Variants in DNAH14 observed in about 807,000 individuals in gnomAD.
DNAH14 encodes the protein dynein axonemal heavy chain 14, also known as axonemal beta dynein heavy chain 14.
A neutral mutation model predicts 520.9 loss-of-function variants in DNAH14; 478 were observed. The ratio of observed to expected loss-of-function variants is 0.92; its 90% CI spans 0.85 to 0.99. DNAH14 has a LOEUF of 0.99. Ranked by LOEUF, DNAH14 falls within the 50% of genes least tolerant of loss-of-function variation. DNAH14 has a pLI of 0.00. For missense variants in DNAH14, 4,831 were observed against 5,234.5 expected (o/e 0.92, Z 2.38); for synonymous variants, 1,581 against 1,757.2 (o/e 0.90, Z 2.51).
chr1:225,097,703 G>C (rs2075110636), intron 22 of DNAH14, among the ~76,000 whole-genome samples: 1 of 152,016 alleles, frequency 6.6e-6, no homozygotes, highest in African/African-American at 2.4e-5. Flanking sequence ...GAACCTGGGA[G>C]GTGGAGGATG....
At chr1:225,013,197 T>C (rs757676234) in intron 10 of DNAH14, among the ~76,000 whole-genome samples, 7 of 152,114 alleles carry the variant, frequency 4.6e-5, no homozygotes, top group Non-Finnish European at 8.8e-5. Flanking sequence ...TTTCTGTTTG[T>C]TAGTTTTGCT....
chr1:225,085,198 A>G (rs1028351160), intron 20 of DNAH14, among the ~76,000 whole-genome samples: 2 of 152,172 alleles, frequency 1.3e-5, no homozygotes, highest in Admixed American at 6.5e-5. Flanking sequence ...GCGTGTCACA[A>G]AGTAATTAAG....
intron 2 of DNAH14, among the ~76,000 whole-genome samples, chr1:224,953,750 A>G (rs2060330965): frequency 6.6e-6 from 1 of 152,108 alleles, no homozygotes; most frequent in African/African-American, 2.4e-5. Flanking sequence ...GGGGCAGGGG[A>G]AGAAATGGAG....
intron 36 of DNAH14, among the ~76,000 whole-genome samples, chr1:225,171,833 G>A (rs551824747): frequency 2.6e-5 from 4 of 152,116 alleles, no homozygotes; most frequent in South Asian, 4.2e-4. Flanking sequence ...TTTTAGACCA[G>A]TATCCCTGAT....
chr1:224,952,692 C>T lies in DNAH14; in HGVS notation c.-11C>T, dbSNP rs1464864922. On this transcript the variant is annotated 5_prime_UTR_variant, in exon 2 of 86. Coordinates refer to ENST00000682510, the MANE Select transcript of DNAH14 (RefSeq NM_001367479.1). ...CAGCCAGTTCCTTTATAGTTTTGTT[C>T]AGAAAAACATATGGAGACGTTTATA... The T allele has an allele frequency of 7.7e-6, 12 of 1,561,924 alleles. No homozygotes were observed. The highest frequency in any genetic ancestry group is 1.0e-5 in the Non-Finnish European group (12 of 1,159,608).
In DNAH14 at chr1:225,217,815, C is replaced by G. The variant is rs576336053; in HGVS notation, c.6439+10595C>G. ...TACCGTCTGTCACGGCTTCCCTTTG[C>G]TAGGAAAGGGAATTCCCTGATCCCT... On this transcript the variant is annotated intron_variant, in intron 41 of 85. Coordinates refer to ENST00000682510, the MANE Select transcript of DNAH14 (RefSeq NM_001367479.1). Among the ~76,000 whole-genome samples the G allele has an allele frequency of 3.3e-5, 5 of 152,238 alleles. No homozygotes were observed. In the South Asian group the frequency reaches 1.0e-3, roughly 32 times the overall value.
intron 73 of DNAH14, among the ~76,000 whole-genome samples, chr1:225,354,838 G>A (rs2095412486): frequency 6.6e-6 from 1 of 151,956 alleles, no homozygotes; most frequent in South Asian, 2.1e-4. Context: ...TGCTAACCTG[G>A]ACAACCAGTA....
Position 225,367,701 on chromosome 1 carries a change from A to C in DNAH14, c.12091-104A>C, listed in dbSNP as rs922912227. ...GCCAGTGAATCTTGAAAATAGTTAC[A>C]TTCTTGCCCAGTTCTTTTACCAGTG... On this transcript the variant is annotated intron_variant, in intron 76 of 85. Coordinates refer to ENST00000682510, the MANE Select transcript of DNAH14 (RefSeq NM_001367479.1). 1.4e-5 allele frequency: 11 copies of C among 768,388 alleles called. No homozygotes were observed. The South Asian group carries it at 1.9e-4, about 14-fold the overall frequency. 47.6% of individuals were successfully genotyped at this position (768,388 alleles called of 1,614,324 possible).
chr1:225,344,539 T>A (rs1175182986), intron 69 of DNAH14, among the ~76,000 whole-genome samples: 1 of 152,198 alleles, frequency 6.6e-6, no homozygotes, highest in Non-Finnish European at 1.5e-5. Flanking sequence ...TCAGTCCATG[T>A]CCCTGCAAAG....
At chr1:225,080,017 G>C (rs564761057) in intron 18 of DNAH14, among the ~76,000 whole-genome samples, 16 of 152,104 alleles carry the variant, frequency 1.1e-4, no homozygotes, top group Admixed American at 9.2e-4. Flanking sequence ...GAATTTTGGT[G>C]ATTTGTGAAC....
chr1:225,057,406 T>C (rs2069272530), intron 17 of DNAH14, among the ~76,000 whole-genome samples: 1 of 152,202 alleles, frequency 6.6e-6, no homozygotes, highest in Non-Finnish European at 1.5e-5. Flanking sequence ...TAAAGTTGCC[T>C]ATCAGCTTAA....
chr1:225,161,816 TG>T (rs1180103141), intron 35 of DNAH14, among the ~76,000 whole-genome samples: 16 of 152,228 alleles, frequency 1.1e-4, no homozygotes, highest in African/African-American at 3.1e-4. Flanking sequence ...TTTTGAGGAA[TG>T]TCTATTCAAA....
At chr1:225,213,286 G>A (rs752100277) in intron 41 of DNAH14, among the ~76,000 whole-genome samples, 8 of 152,108 alleles carry the variant, frequency 5.3e-5, no homozygotes, top group Admixed American at 1.3e-4. Context: ...TTTGGTACCC[G>A]TACCATGCTG....
At chr1:225,151,669 A>C (rs143211859) in intron 31 of DNAH14, among the ~76,000 whole-genome samples, 2 of 152,242 alleles carry the variant, frequency 1.3e-5, no homozygotes, top group South Asian at 4.1e-4. Flanking sequence ...GTGTTCTACT[A>C]TATCTTCCAG....
At chr1:224,966,070 A>C (rs976808991) in intron 5 of DNAH14, among the ~76,000 whole-genome samples, 8 of 152,140 alleles carry the variant, frequency 5.3e-5, no homozygotes, top group Non-Finnish European at 1.2e-4. Context: ...TTGAAACCTA[A>C]TTTAGAATAT....
intron 16 of DNAH14, among the ~76,000 whole-genome samples, chr1:225,050,901 A>G (rs958483415): frequency 6.6e-6 from 1 of 152,216 alleles, no homozygotes; most frequent in African/African-American, 2.4e-5. Context: ...ATCAGGCATT[A>G]GTTAGATTGT....
At chr1:225,017,710 C>T (rs1244951763) in intron 10 of DNAH14, among the ~76,000 whole-genome samples, 3 of 152,350 alleles carry the variant, frequency 2.0e-5, no homozygotes, top group South Asian at 4.1e-4. Flanking sequence ...GCCTCTCCAG[C>T]CCAGCTGGGG....
intron 56 of DNAH14, 50 bp downstream of exon 56, chr1:225,301,080 C>A (rs542971881): frequency 6.7e-7 from 1 of 1,486,744 alleles, no homozygotes; most frequent in Non-Finnish European, 9.0e-7. Flanking sequence ...AAAAGTAGAC[C>A]GTGTTTATAA....
At chr1:225,103,191 G>A (rs545610094) in intron 23 of DNAH14, among the ~76,000 whole-genome samples, 10 of 152,314 alleles carry the variant, frequency 6.6e-5, no homozygotes, top group Non-Finnish European at 1.2e-4. Context: ...TCAAAGATCA[G>A]ATGGTTGTAG....
Sources: gnomAD v4.1 joint callset for allele counts (sites outside exome capture counted in the v4.1 genomes callset) on GRCh38, gnomAD v4.1.1 for gene constraint, MANE v1.5 for transcripts, NCBI Gene and HGNC (gene_info 2026-07-23, HGNC 2026-07-21) for gene names.